ZBTB20: variants seen among roughly 807,000 people sequenced by gnomAD.
The protein encoded by ZBTB20 is zinc finger and BTB domain-containing protein 20.
In ZBTB20, 9 loss-of-function variants were observed where a neutral mutation model predicts 56.9. That is an observed-to-expected ratio of 0.16 (90% CI 0.10 to 0.28). The LOEUF (loss-of-function observed/expected upper bound fraction) is 0.28, where lower values mean the gene tolerates loss of function less well. Ranked by LOEUF, ZBTB20 falls within the 10% of genes least tolerant of loss-of-function variation. The pLI, the probability that ZBTB20 is intolerant of heterozygous loss-of-function variation, is 1.00. For missense variants in ZBTB20, 655 were observed against 1,003.0 expected (o/e 0.65, Z 4.69); for synonymous variants, 417 against 420.7 (o/e 0.99, Z 0.11).
chr3:114,884,409 C>T (rs1431894282), intron 4 of ZBTB20, among the ~76,000 whole-genome samples: 1 of 152,160 alleles, frequency 6.6e-6, no homozygotes, highest in East Asian at 1.9e-4. Context: ...CAGTAGACGG[C>T]CTACTTCCTT....
At chr3:114,819,855 T>C (rs1272230632) in intron 4 of ZBTB20, among the ~76,000 whole-genome samples, 1 of 151,718 alleles carries the variant, frequency 6.6e-6, no homozygotes, top group Non-Finnish European at 1.5e-5. Flanking sequence ...ACTACATGAG[T>C]AAAGACCACA....
intron 7 of ZBTB20, among the ~76,000 whole-genome samples, chr3:114,498,578 G>A (rs1385703561): frequency 6.6e-6 from 1 of 152,124 alleles, no homozygotes; most frequent in East Asian, 1.9e-4. Flanking sequence ...GCTGATATGA[G>A]GGCAGCTTCA....
At chr3:114,931,252 C>A in intron 3 of ZBTB20, 1 of 188,678 alleles carries the variant, frequency 5.3e-6, no homozygotes. Flanking sequence ...TCGCCAAAGC[C>A]AGCCTAGAGA....
intron 4 of ZBTB20, among the ~76,000 whole-genome samples, chr3:114,886,703 T>C (rs2076614507): frequency 6.6e-6 from 1 of 152,170 alleles, no homozygotes; most frequent in Non-Finnish European, 1.5e-5. Flanking sequence ...CTCAACCTTG[T>C]CATCTATAAT....
intron 10 of ZBTB20, among the ~76,000 whole-genome samples, chr3:114,368,285 G>T (rs2082637239): frequency 6.6e-6 from 1 of 152,168 alleles, no homozygotes; most frequent in Admixed American, 6.5e-5. Context: ...GAGCAAATAA[G>T]TAGACCATGG....
At chr3:114,877,718 T>A (rs957899244) in intron 4 of ZBTB20, among the ~76,000 whole-genome samples, 1 of 152,238 alleles carries the variant, frequency 6.6e-6, no homozygotes, top group Non-Finnish European at 1.5e-5. Flanking sequence ...TTTCTATAAC[T>A]GTCCACAAAA....
chr3:115,073,893 A>C (rs1314412156), intron 1 of ZBTB20, among the ~76,000 whole-genome samples: 1 of 152,074 alleles, frequency 6.6e-6, no homozygotes, highest in African/African-American at 2.4e-5. Context: ...TGCTCCCAAA[A>C]TTTTATGCTA....
chr3:114,686,539 C>T (rs1403186072), intron 6 of ZBTB20, among the ~76,000 whole-genome samples: 1 of 152,132 alleles, frequency 6.6e-6, no homozygotes, highest in Non-Finnish European at 1.5e-5. Context: ...AATTACTCTT[C>T]CCTTTGTGTA....
chr3:114,748,378 C>CTCTCTCTCTCTCTCTA (rs2067282945), intron 5 of ZBTB20, among the ~76,000 whole-genome samples: 1 of 145,450 alleles, frequency 6.9e-6, no homozygotes. Flanking sequence ...CTCTCTCTCT[C>CTCTCTCTCTCTCTCTA]TTTCTTTCTT....
At chr3:114,483,242 A>T (rs1051933888) in intron 7 of ZBTB20, among the ~76,000 whole-genome samples, 2 of 152,162 alleles carry the variant, frequency 1.3e-5, no homozygotes, top group Admixed American at 1.3e-4. Context: ...TAATTTTCCC[A>T]TAATGATGTC....
chr3:114,977,621 T>C (rs1315651712), intron 2 of ZBTB20, among the ~76,000 whole-genome samples: 5 of 152,098 alleles, frequency 3.3e-5, no homozygotes, highest in Non-Finnish European at 7.4e-5. Flanking sequence ...TCTCTAATTC[T>C]TATCAGTACT....
At chr3:115,021,281 G>A (rs570942111) in intron 2 of ZBTB20, among the ~76,000 whole-genome samples, 1 of 150,828 alleles carries the variant, frequency 6.6e-6, no homozygotes, top group African/African-American at 2.4e-5. Flanking sequence ...ACTGAAATCA[G>A]GCCTAAACAT....
intron 3 of ZBTB20, among the ~76,000 whole-genome samples, chr3:114,927,739 C>A (rs1560408136): frequency 1.3e-5 from 2 of 152,030 alleles, no homozygotes; most frequent in South Asian, 4.2e-4. Context: ...TTTAAAAAAA[C>A]CTGAAGCTAA....
intron 7 of ZBTB20, among the ~76,000 whole-genome samples, chr3:114,472,717 A>T (rs1384689605): frequency 6.6e-6 from 1 of 152,028 alleles, no homozygotes; most frequent in South Asian, 2.1e-4. Flanking sequence ...TCAGAAGAAA[A>T]AAAAAAAAGA....
chr3:114,378,542 A>C (rs562383434), intron 10 of ZBTB20, among the ~76,000 whole-genome samples: 60 of 152,360 alleles, frequency 3.9e-4, no homozygotes, highest in African/African-American at 1.3e-3. Flanking sequence ...GATAAAGCAC[A>C]ATAAGTGAAG....
At chr3:114,744,110 A>T (rs1035996160) in intron 5 of ZBTB20, among the ~76,000 whole-genome samples, 1 of 152,170 alleles carries the variant, frequency 6.6e-6, no homozygotes, top group African/African-American at 2.4e-5. Flanking sequence ...CTTTTAATAA[A>T]CATGTTTCTA....
rs562852800 is a variant in ZBTB20, at chr3:115,064,135, C to G, written c.-507+7084G>C. ...TGAAGACATCCCTTTCGGGAGTTCT[C>G]CATCTTCTAGCTCAAGTAAAGACTG... On this transcript the variant is annotated intron_variant, in intron 2 of 11. Coordinates refer to ENST00000675478, the MANE Select transcript of ZBTB20 (RefSeq NM_001348800.3). 4.1e-4 allele frequency among the ~76,000 whole-genome samples: 63 copies of G among 152,130 alleles called. 1 individual carries two copies. Among genetic ancestry groups the G allele is most frequent in the Non-Finnish European group, 6.0e-4 (41 of 68,026 alleles).
rs28696226 is a variant in ZBTB20, at chr3:114,331,214, T to G, written c.*7791A>C. The G allele has an allele frequency of 0.016, 2,416 of 152,526 alleles. 69 individuals carry two copies. Among genetic ancestry groups the G allele is most frequent in the African/African-American group, 0.055 (2,280 of 41,534 alleles). The allele number at this position is 152,526 out of a possible 1,614,324, so 9.4% of individuals were successfully genotyped here. ...GCTCAGGCCAAAGTTTGTGTGGGCT[T>G]TGCCTGCCTGGCATTGGTCCCCACC... On this transcript the variant is annotated 3_prime_UTR_variant, in exon 12 of 12. Transcript: ENST00000675478.
intron 2 of ZBTB20, among the ~76,000 whole-genome samples, chr3:115,037,330 G>T (rs971058214): frequency 6.6e-6 from 1 of 152,106 alleles, no homozygotes; most frequent in Non-Finnish European, 1.5e-5. Flanking sequence ...CGTCACCCAA[G>T]CTAGAGTGCA....
Sources: allele counts gnomAD v4.1 joint callset (sites outside exome capture counted in the v4.1 genomes callset), GRCh38; gene constraint gnomAD v4.1.1; transcripts MANE v1.5; gene names NCBI Gene and HGNC (gene_info 2026-07-23, HGNC 2026-07-21).